The following KIAA0825 variants were observed in gnomAD, a reference collection of about 807,000 sequenced individuals.
The protein encoded by KIAA0825 is uncharacterized protein KIAA0825.
KIAA0825 carries 119 observed loss-of-function variants against 147.6 expected under a neutral mutation model. The observed-to-expected ratio is 0.81, with a 90% CI of 0.69 to 0.94. KIAA0825 has a LOEUF of 0.94. Ranked by LOEUF, KIAA0825 falls within the 40% of genes least tolerant of loss-of-function variation. The pLI is 0.00. For missense variants in KIAA0825, 1,381 were observed against 1,472.7 expected, an observed-to-expected ratio of 0.94 and a Z score of 1.02; for synonymous variants, 470 against 518.1, an observed-to-expected ratio of 0.91 and a Z score of 1.26.
chr5:94,435,274 T>C (rs572451880), intron 14 of KIAA0825, among the ~76,000 whole-genome samples: 21 of 145,926 alleles, frequency 1.4e-4, no homozygotes, highest in Non-Finnish European at 2.9e-4. Context: ...TTCCTGATCC[T>C]CTCCCTCCTC....
chr5:94,256,944 T>TCTAC (rs61472103), intron 20 of KIAA0825, among the ~76,000 whole-genome samples: 1 of 152,108 alleles, frequency 6.6e-6, no homozygotes, highest in East Asian at 1.9e-4. Flanking sequence ...TAAAGATCTG[T>TCTAC]CTACCTACCT....
chr5:94,230,648 A>G (rs1486867046), intron 20 of KIAA0825, among the ~76,000 whole-genome samples: 3 of 152,162 alleles, frequency 2.0e-5, no homozygotes, highest in East Asian at 3.8e-4. Context: ...AGATTCTTCC[A>G]TATCTAACAG....
intron 20 of KIAA0825, among the ~76,000 whole-genome samples, chr5:94,215,654 C>CT (rs1317375475): frequency 6.6e-6 from 1 of 152,030 alleles, no homozygotes; most frequent in Non-Finnish European, 1.5e-5. Context: ...CCCCTTTTCC[C>CT]TTTTTAATCT....
chr5:94,603,668 C>T (rs1158947037), intron 1 of KIAA0825, among the ~76,000 whole-genome samples: 1 of 152,154 alleles, frequency 6.6e-6, no homozygotes, highest in Non-Finnish European at 1.5e-5. Flanking sequence ...TGTATGCTGC[C>T]TGCAAGAAAC....
At chr5:94,192,763 G>A (rs916751502) in intron 20 of KIAA0825, among the ~76,000 whole-genome samples, 1 of 152,128 alleles carries the variant, frequency 6.6e-6, no homozygotes, top group African/African-American at 2.4e-5. Flanking sequence ...ATAGAATCTA[G>A]CCACAGCGGT....
intron 20 of KIAA0825, among the ~76,000 whole-genome samples, chr5:94,214,627 ACCCT>A (rs1773043735): frequency 6.6e-6 from 1 of 151,792 alleles, no homozygotes; most frequent in South Asian, 2.1e-4. Context: ...ATTTCTTCCT[ACCCT>A]CCTTGTAAAT....
chr5:94,387,079 T>C (rs1363245757), intron 18 of KIAA0825, among the ~76,000 whole-genome samples: 2 of 152,226 alleles, frequency 1.3e-5, no homozygotes, highest in Non-Finnish European at 2.9e-5. Context: ...TATGGAACTT[T>C]TTCTGGAAGA....
At chr5:94,472,534 G>A (rs1405357628) in intron 8 of KIAA0825, among the ~76,000 whole-genome samples, 1 of 152,004 alleles carries the variant, frequency 6.6e-6, no homozygotes, top group African/African-American at 2.4e-5. Flanking sequence ...TCACAAGGTC[G>A]GAGATTGAGA....
At chr5:94,295,442 TCC>T (rs1438591317) in intron 20 of KIAA0825, among the ~76,000 whole-genome samples, 1 of 152,136 alleles carries the variant, frequency 6.6e-6, no homozygotes, top group East Asian at 1.9e-4. Context: ...AAACTCATTC[TCC>T]ATCTAGTTTT....
chr5:94,561,877 C>A (rs935423327), intron 2 of KIAA0825, among the ~76,000 whole-genome samples: 1 of 152,062 alleles, frequency 6.6e-6, no homozygotes, highest in African/African-American at 2.4e-5. Context: ...ATTTATTTCA[C>A]CAATGTAGAT....
intron 1 of KIAA0825, among the ~76,000 whole-genome samples, chr5:94,596,195 C>T (rs1025445701): frequency 6.6e-6 from 1 of 152,086 alleles, no homozygotes; most frequent in Non-Finnish European, 1.5e-5. Context: ...AGGTTTTCTC[C>T]CAGGGATTTT....
In KIAA0825 at chr5:94,401,798, T is replaced by C. The variant is rs545820737; in HGVS notation, c.2887+1771A>G. 9.2e-5 allele frequency among the ~76,000 whole-genome samples: 14 copies of C among 152,336 alleles called. No homozygotes were observed. In the South Asian group the frequency reaches 2.9e-3, roughly 32 times the overall value. The stretch of plus-strand genomic sequence containing the variant: ...GAGATACTGTACTTAGGTTTATCTC[T>C]GCTCTGAAACACAGTGCCTGGTATA... On this transcript the variant is annotated intron_variant, in intron 16 of 20. Coordinates refer to ENST00000682413, the MANE Select transcript of KIAA0825 (RefSeq NM_001145678.3).
intron 20 of KIAA0825, among the ~76,000 whole-genome samples, chr5:94,320,292 G>A (rs1335691063): frequency 6.6e-6 from 1 of 151,820 alleles, no homozygotes; most frequent in Non-Finnish European, 1.5e-5. Context: ...GATGTTTAGG[G>A]TATCCATTAC....
At chr5:94,356,756 G>A (rs190009434) in intron 20 of KIAA0825, among the ~76,000 whole-genome samples, 2,083 of 82,028 alleles carry the variant, frequency 0.025, 72 homozygotes, top group African/African-American at 0.11. Flanking sequence ...ACGGAGTCTC[G>A]CTCTGTCGCC....
At chr5:94,217,003 G>GAGTCCC (rs1166497210) in intron 20 of KIAA0825, among the ~76,000 whole-genome samples, 3 of 152,210 alleles carry the variant, frequency 2.0e-5, no homozygotes, top group African/African-American at 7.2e-5. Context: ...AACTGGAAAT[G>GAGTCCC]AGTCCCATAA....
chr5:94,414,830 G>A (rs1186545731), intron 15 of KIAA0825: 2 of 152,246 alleles, frequency 1.3e-5, no homozygotes, highest in East Asian at 1.9e-4. Context: ...TGTCAAATCA[G>A]AAGCATGTTA....
At chr5:94,513,177 A>C (rs1382331377) in intron 5 of KIAA0825, among the ~76,000 whole-genome samples, 1 of 152,138 alleles carries the variant, frequency 6.6e-6, no homozygotes, top group African/African-American at 2.4e-5. Flanking sequence ...TTGGATCTTA[A>C]AATGTTACTT....
At chr5:94,416,575 T>G (rs1753494800) in intron 15 of KIAA0825, 1 of 152,194 alleles carries the variant, frequency 6.6e-6, no homozygotes. Context: ...ATATTAAGGA[T>G]AAGACAATGT....
intron 1 of KIAA0825, among the ~76,000 whole-genome samples, chr5:94,601,611 G>A (rs992182816): frequency 2.6e-5 from 4 of 152,150 alleles, no homozygotes; most frequent in Non-Finnish European, 4.4e-5. Context: ...TGAGCTAAAG[G>A]AGCATGTCTT....
Sources: gnomAD v4.1 joint callset for allele counts (sites outside exome capture counted in the v4.1 genomes callset) on GRCh38, gnomAD v4.1.1 for gene constraint, MANE v1.5 for transcripts, NCBI Gene and HGNC (gene_info 2026-07-23, HGNC 2026-07-21) for gene names.